The following PRSS12 variants were observed in gnomAD, a reference collection of about 807,000 sequenced individuals.
PRSS12 encodes neurotrypsin.
PRSS12 carries 85 observed loss-of-function variants against 104.4 expected under a neutral mutation model. The ratio of observed to expected loss-of-function variants is 0.81; its 90% CI spans 0.68 to 0.98. The LOEUF is 0.98. Among genes scored for constraint, PRSS12 ranks in the 50% least tolerant of loss-of-function variants. The pLI, the probability that PRSS12 is intolerant of heterozygous loss-of-function variation, is 0.00. For missense variants in PRSS12, 1,141 were observed against 1,139.2 expected (o/e 1.00, Z -0.02); for synonymous variants, 454 against 425.2 (o/e 1.07, Z -0.83).
chr4:118,313,210 G>C lies in PRSS12; in HGVS notation c.1480C>G (p.Leu494Val). The C allele has an allele frequency of 6.2e-7, 1 of 1,613,250 alleles. No individual in the cohort carries two copies. Among genetic ancestry groups the C allele is most frequent in the Non-Finnish European group, 8.5e-7 (1 of 1,179,868 alleles). ...ACYPGGEGHR[L>V]SLGFPVRLMD... Reference sequence around the variant, plus strand: ...TGCAGCCAGTCCTCACCCAGAGAGAGCCTGTGTCCCTCGCCGCCAGGGTAG... The same window carrying C: ...TGCAGCCAGTCCTCACCCAGAGAGACCCTGTGTCCCTCGCCGCCAGGGTAG... The change falls in exon 7 of 13, where the codon CTC (leucine) becomes GTC (valine). Residue 494 changes from leucine to valine, a missense_variant. Physicochemically the swap from Leu to Val is conservative, Grantham distance 32. Coordinates refer to ENST00000296498, the MANE Select transcript of PRSS12 (RefSeq NM_003619.4).
rs377739049 is a variant in PRSS12 at position 118,295,003 on chromosome 4, G to A, written c.1975C>T (p.Leu659Phe). The A allele has an allele frequency of 4.8e-5, 77 of 1,614,162 alleles. No individual in the cohort carries two copies. Among genetic ancestry groups the A allele is most frequent in the Non-Finnish European group, 6.4e-5 (75 of 1,180,032 alleles). ...RLKSSHGDGR[L>F]LCGATLLSSC... ...CTCAGGAGCGTAGCCCCGCAGAGGA[G>A]CCTGCCATCTCCATGGGATGACTTC... Residue 659 changes from leucine to phenylalanine, a missense_variant, in exon 11 of 13, where the codon CTC (leucine) becomes TTC (phenylalanine). Leu to Phe is a conservative substitution (Grantham distance 22). Coordinates refer to ENST00000296498, the MANE Select transcript of PRSS12 (RefSeq NM_003619.4).
rs1742814962 is a variant in PRSS12, at chr4:118,280,471, C to T, written c.*1465G>A. On this transcript the variant is annotated 3_prime_UTR_variant, in exon 13 of 13. Coordinates refer to ENST00000296498, the MANE Select transcript of PRSS12 (RefSeq NM_003619.4). ...TGCAAAGTAGTAAAACTATAAAGCA[C>T]CTTTAGGTTTGCACCAGTTATTACA... 6.6e-6 allele frequency: 1 copy of T among 152,146 alleles called. No homozygotes were observed. Among genetic ancestry groups the T allele is most frequent in the African/African-American group, 2.4e-5 (1 of 41,422 alleles). The allele number at this position is 152,146 out of a possible 1,614,324, so 9.4% of individuals were successfully genotyped here. A position where few individuals can be genotyped will look rare whatever the true frequency, so the allele number is the denominator to read the frequency against.
chr4:118,294,402 G>A (rs992296957), intron 11 of PRSS12, among the ~76,000 whole-genome samples: 3 of 152,132 alleles, frequency 2.0e-5, no homozygotes, highest in African/African-American at 7.2e-5. Context: ...CGTGACTCTG[G>A]TGACTCTGCA....
At chr4:118,297,047 A>C (rs1743269872) in intron 9 of PRSS12, among the ~76,000 whole-genome samples, 2 of 152,232 alleles carry the variant, frequency 1.3e-5, no homozygotes, top group African/African-American at 4.8e-5. Flanking sequence ...GTCATACACT[A>C]TTATTTAAAA....
intron 1 of PRSS12, among the ~76,000 whole-genome samples, chr4:118,338,768 A>G (rs570653958): frequency 1.1e-4 from 17 of 152,196 alleles, no homozygotes; most frequent in Non-Finnish European, 2.1e-4. Flanking sequence ...ACAAAATTAA[A>G]TGTTCTGCAT....
At chr4:118,297,244 G>C (rs1396281650) in intron 9 of PRSS12, among the ~76,000 whole-genome samples, 1 of 151,940 alleles carries the variant, frequency 6.6e-6, no homozygotes, top group African/African-American at 2.4e-5. Flanking sequence ...CTTGAAGTAT[G>C]GTAGCATTGC....
rs768838028 is a variant in PRSS12, at chr4:118,338,139, C to T, written c.641+37G>A. The T allele has an allele frequency of 5.0e-6, 8 of 1,612,970 alleles. No individual in the cohort carries two copies. In the East Asian group the frequency reaches 1.8e-4, roughly 36 times the overall value. Reference sequence around the variant, plus strand: ...GGGCACCCAGCATTATTCTCAAATACTAGCTGACTGATTTGGTCAGGGATG... The same window carrying T: ...GGGCACCCAGCATTATTCTCAAATATTAGCTGACTGATTTGGTCAGGGATG... On this transcript the variant is annotated intron_variant, in intron 2 of 12. Coordinates refer to ENST00000296498, the MANE Select transcript of PRSS12 (RefSeq NM_003619.4).
At chr4:118,301,302 C>T (rs1266882325) in intron 8 of PRSS12, among the ~76,000 whole-genome samples, 1 of 152,138 alleles carries the variant, frequency 6.6e-6, no homozygotes, top group Admixed American at 6.5e-5. Context: ...TCAGAATTGC[C>T]TTTGAAAACA....
Position 118,308,456 on chromosome 4 carries a change from G to A in PRSS12, c.1611C>T (p.Ile537=). 1.2e-6 allele frequency: 2 copies of A among 1,614,028 alleles called. No homozygotes were observed. The highest frequency in any genetic ancestry group is 2.2e-5 in the South Asian group (2 of 91,086). ...CTTACTTGTAGCCAAGCTGACGACA[G>A]ATCACAGCTGCATCCTTATCAGTCC... ...DGWTDKDAAV[I]CRQLGYKGPA... is the part of the protein sequence containing the mutation. Residue 537 remains isoleucine (I), a synonymous_variant, in exon 8 of 13, where the codon ATC becomes ATT. Transcript: ENST00000296498.
chr4:118,312,231 AGTT>A (rs937270658), intron 7 of PRSS12, among the ~76,000 whole-genome samples: 16 of 152,164 alleles, frequency 1.1e-4, no homozygotes, highest in African/African-American at 3.9e-4. Flanking sequence ...AGGTTCAAAA[AGTT>A]GTTACTTTAT....
rs113327232 is a variant in PRSS12, at chr4:118,323,871, ATG to A, written c.972-5317_972-5316del. On this transcript the variant is annotated intron_variant, in intron 4 of 12. Transcript: ENST00000296498. The stretch of plus-strand genomic sequence containing the variant: ...TCAGTTACAGTTTACTTATATAAAT[ATG>A]TGTGTGTGTGTGTATATATATCTAG... 8.6e-5 allele frequency among the ~76,000 whole-genome samples: 13 copies of A among 151,060 alleles called. 1 individual carries two copies. Among genetic ancestry groups the A allele is most frequent in the Non-Finnish European group, 1.5e-4 (10 of 67,674 alleles).
At chr4:118,312,157 G>T (rs564749833) in intron 7 of PRSS12, among the ~76,000 whole-genome samples, 1 of 152,284 alleles carries the variant, frequency 6.6e-6, no homozygotes, top group East Asian at 1.9e-4. Context: ...ACAGTGTACA[G>T]TACAATGAGG....
chr4:118,342,415 T>C (rs1009730679), intron 1 of PRSS12, among the ~76,000 whole-genome samples: 1 of 152,238 alleles, frequency 6.6e-6, no homozygotes, highest in African/African-American at 2.4e-5. Flanking sequence ...AGTCAGAGCT[T>C]GTGTCCCTGG....
intron 8 of PRSS12, among the ~76,000 whole-genome samples, chr4:118,304,294 A>C (rs788647): frequency 6.6e-6 from 1 of 151,590 alleles, no homozygotes; most frequent in Non-Finnish European, 1.5e-5. Flanking sequence ...AGAAAAAAAA[A>C]CTGTAAAATT....
intron 8 of PRSS12, among the ~76,000 whole-genome samples, chr4:118,307,844 T>C (rs1400394741): frequency 6.6e-6 from 1 of 151,424 alleles, no homozygotes; most frequent in African/African-American, 2.4e-5. Context: ...TTCGGTACTA[T>C]AAATGGGGGC....
At position 118,295,814 on chromosome 4, in the gene PRSS12, C is replaced by T. The variant is rs751500432; in HGVS notation, c.1880G>A (p.Arg627Gln). The change falls in exon 10 of 13, where the codon CGG becomes CAG. Residue 627 changes from arginine (R) to glutamine (Q), a missense_variant. Arg to Gln is a conservative substitution (Grantham distance 43, BLOSUM62 1). Coordinates refer to ENST00000296498, the MANE Select transcript of PRSS12 (RefSeq NM_003619.4). ...TTTCCCACCAATGATCCGCTTCTGC[C>T]GACGGTGCAGTAATCTCAAGCCACA... Reference protein sequence around the residue: ...SVCGLRLLHRRQKRIIGGKNS... With the variant: ...SVCGLRLLHRQQKRIIGGKNS... The T allele has an allele frequency of 3.1e-6, 5 of 1,613,858 alleles. No individual in the cohort carries two copies. Among genetic ancestry groups the T allele is most frequent in the African/African-American group, 1.3e-5 (1 of 74,852 alleles).
intron 4 of PRSS12, among the ~76,000 whole-genome samples, chr4:118,325,559 A>G (rs755271875): frequency 4.6e-5 from 7 of 152,088 alleles, no homozygotes; most frequent in African/African-American, 9.6e-5. Flanking sequence ...ATATTCACAC[A>G]TTGCTTCAGC....
intron 1 of PRSS12, among the ~76,000 whole-genome samples, chr4:118,350,064 G>T (rs1382839870): frequency 6.6e-6 from 1 of 152,068 alleles, no homozygotes; most frequent in African/African-American, 2.4e-5. Context: ...AAAATGTTCA[G>T]TCCAGCATCC....
rs201069442 is a variant in PRSS12, at chr4:118,282,241, G to A, written c.2323C>T (p.Arg775Ter). ...CYITGWGDTG[R>*]AYSRTLQQAA... The stretch of plus-strand genomic sequence containing the variant: ...TGTTGTAGTGTTCTTGAATAGGCTC[G>A]TCCTACTCAGACCAAACATCTGATT... The change falls in exon 13 of 13, where the codon CGA (arginine) becomes TGA (stop). Residue 775 changes from arginine to a stop codon, truncating the protein, a stop_gained and splice_region_variant. Coordinates refer to ENST00000296498, the MANE Select transcript of PRSS12 (RefSeq NM_003619.4). LOFTEE classifies it high-confidence loss of function. The A allele has an allele frequency of 4.1e-5, 66 of 1,614,020 alleles. No homozygotes were observed. The highest frequency in any genetic ancestry group is 1.7e-4 in the Middle Eastern group (1 of 6,058).
Sources: allele counts gnomAD v4.1 joint callset (sites outside exome capture counted in the v4.1 genomes callset), GRCh38; gene constraint gnomAD v4.1.1; transcripts MANE v1.5; gene names NCBI Gene and HGNC (gene_info 2026-07-23, HGNC 2026-07-21).